RARB: variants seen among roughly 807,000 people sequenced by gnomAD.
RARB encodes HBV-activated protein.
In RARB, 17 loss-of-function variants were observed where a neutral mutation model predicts 51.9. The ratio of observed to expected loss-of-function variants is 0.33; its 90% CI spans 0.22 to 0.49. The LOEUF (loss-of-function observed/expected upper bound fraction) is 0.49. RARB is among the 20% of genes least tolerant of loss of function. The pLI is 0.99. For synonymous variants in RARB, 215 were observed against 195.4 expected (o/e 1.10, Z -0.84); for missense variants, 369 against 550.8 (o/e 0.67, Z 3.30).
chr3:25,330,376 A>G (rs1341575531), intron 5 of RARB, among the ~76,000 whole-genome samples: 1 of 152,222 alleles, frequency 6.6e-6, no homozygotes, highest in Non-Finnish European at 1.5e-5. Context: ...TCTTAAAGAA[A>G]AGAATTTTCA....
intron 3 of RARB, among the ~76,000 whole-genome samples, chr3:25,525,844 A>C (rs1366557785): frequency 6.6e-6 from 1 of 152,122 alleles, no homozygotes; most frequent in Non-Finnish European, 1.5e-5. Flanking sequence ...TTGGGCAGGG[A>C]CCTAAAGGAA....
At chr3:25,080,483 A>G (rs1438232009) in intron 3 of RARB, among the ~76,000 whole-genome samples, 1 of 152,204 alleles carries the variant, frequency 6.6e-6, no homozygotes, top group Non-Finnish European at 1.5e-5. Flanking sequence ...CCTTTTGAGG[A>G]ACTGCCAAAC....
chr3:25,464,556 A>G (rs1482193654), intron 2 of RARB, among the ~76,000 whole-genome samples: 2 of 152,196 alleles, frequency 1.3e-5, no homozygotes, highest in Non-Finnish European at 2.9e-5. Context: ...CTTGGTCTAC[A>G]TTTAAGCTTG....
intron 3 of RARB, among the ~76,000 whole-genome samples, chr3:25,505,422 C>T (rs1038505101): frequency 6.6e-6 from 1 of 152,060 alleles, no homozygotes; most frequent in Admixed American, 6.6e-5. Context: ...AGATGTATCC[C>T]CTAGAAAATC....
In RARB at chr3:24,908,650, G is replaced by T. The variant is rs142854475; in HGVS notation, c.-380+49898G>T. ...TAGCTCTAAAATTTGTAATTCTTGA[G>T]GTAACCACAACTGTTTTTTTTTTTT... On this transcript the variant is annotated intron_variant, in intron 2 of 11. Transcript: ENST00000383772. 3.0e-3 allele frequency among the ~76,000 whole-genome samples: 412 copies of T among 137,722 alleles called. 2 individuals are homozygous for T. Among genetic ancestry groups the T allele is most frequent in the African/African-American group, 0.01 (396 of 38,316 alleles). The allele number at this position is 137,722 out of a possible 152,430, so 90.4% of individuals were successfully genotyped here. A position where few individuals can be genotyped will look rare whatever the true frequency, so the allele number is the denominator to read the frequency against.
At chr3:25,467,148 T>G (rs1274387795) in intron 2 of RARB, among the ~76,000 whole-genome samples, 1 of 152,196 alleles carries the variant, frequency 6.6e-6, no homozygotes, top group Non-Finnish European at 1.5e-5. Flanking sequence ...ATCAGAGAAA[T>G]TAGAAGTATC....
At chr3:25,271,833 T>A (rs2125411747) in intron 5 of RARB, among the ~76,000 whole-genome samples, 1 of 152,296 alleles carries the variant, frequency 6.6e-6, no homozygotes, top group African/African-American at 2.4e-5. Context: ...AAATGTTCAA[T>A]CTTGCTGAAT....
At chr3:24,925,430 C>A (rs1313535505) in intron 2 of RARB, among the ~76,000 whole-genome samples, 1 of 151,888 alleles carries the variant, frequency 6.6e-6, no homozygotes, top group Non-Finnish European at 1.5e-5. Context: ...GTTGCATGAG[C>A]TCAGGAATTT....
intron 5 of RARB, among the ~76,000 whole-genome samples, chr3:25,343,933 A>G (rs1350721400): frequency 2.0e-5 from 3 of 152,178 alleles, no homozygotes; most frequent in Admixed American, 2.0e-4. Context: ...TGAAGCAGAC[A>G]AAAAGACCCA....
chr3:25,317,923 G>A (rs1001694027), intron 5 of RARB, among the ~76,000 whole-genome samples: 15 of 99,690 alleles, frequency 1.5e-4, no homozygotes, highest in African/African-American at 3.5e-4. Context: ...TCACAAATGC[G>A]GAATTAGTGG....
intron 3 of RARB, among the ~76,000 whole-genome samples, chr3:25,115,491 GT>G (rs1326720572): frequency 6.6e-6 from 1 of 152,132 alleles, no homozygotes; most frequent in East Asian, 1.9e-4. Context: ...TGAAGAAGTA[GT>G]CAGCATTTCT....
At chr3:25,080,348 G>A (rs1184625805) in intron 3 of RARB, among the ~76,000 whole-genome samples, 1 of 152,118 alleles carries the variant, frequency 6.6e-6, no homozygotes, top group Non-Finnish European at 1.5e-5. Context: ...AAACACTTCA[G>A]ATATTTCCAC....
intron 2 of RARB, among the ~76,000 whole-genome samples, chr3:24,975,856 G>A (rs1696500009): frequency 6.6e-6 from 1 of 152,022 alleles, no homozygotes; most frequent in South Asian, 2.1e-4. Flanking sequence ...TGCCATGCTG[G>A]TTTGCTGCAC....
rs186326040 is a variant in RARB, at chr3:25,440,181, C to T, written c.157+11293C>T. Among the ~76,000 whole-genome samples the T allele has an allele frequency of 9.9e-5, 15 of 152,150 alleles. No individual in the cohort carries two copies. The East Asian group carries it at 2.3e-3, about 24-fold the overall frequency. Reference sequence around the variant, plus strand: ...AGAAACTTGTTTTAGGCTTGCATGGCGACTCATACCGGAAATTCTAGCACT... The same window carrying T: ...AGAAACTTGTTTTAGGCTTGCATGGTGACTCATACCGGAAATTCTAGCACT... On this transcript the variant is annotated intron_variant, in intron 1 of 7. Transcript: ENST00000330688.
chr3:24,866,758 C>T (rs1264927048), intron 2 of RARB, among the ~76,000 whole-genome samples: 2 of 152,134 alleles, frequency 1.3e-5, no homozygotes, highest in African/African-American at 4.8e-5. Flanking sequence ...GCTGATTTAT[C>T]ACATCAGGAG....
chr3:24,902,057 G>A (rs1457211379), intron 2 of RARB, among the ~76,000 whole-genome samples: 1 of 151,668 alleles, frequency 6.6e-6, no homozygotes, highest in Non-Finnish European at 1.5e-5. Flanking sequence ...GGAAAGAACA[G>A]CAAAGAAAGA....
chr3:24,979,080 C>T (rs1696582233), intron 2 of RARB, among the ~76,000 whole-genome samples: 1 of 152,156 alleles, frequency 6.6e-6, no homozygotes, highest in Admixed American at 6.6e-5. Flanking sequence ...GTTTCTTAAT[C>T]CTGAGTTCTA....
At chr3:25,081,761 T>G (rs1309638431) in intron 3 of RARB, among the ~76,000 whole-genome samples, 1 of 147,426 alleles carries the variant, frequency 6.8e-6, no homozygotes, top group African/African-American at 2.5e-5. Context: ...GCCTCCTGAG[T>G]AGCTGGGATT....
intron 4 of RARB, among the ~76,000 whole-genome samples, chr3:25,143,117 A>G (rs965909762): frequency 2.0e-5 from 3 of 152,210 alleles, no homozygotes; most frequent in South Asian, 4.1e-4. Context: ...TCACCTGACA[A>G]TGAATTATTT....
Sources: allele counts gnomAD v4.1 joint callset (sites outside exome capture counted in the v4.1 genomes callset), GRCh38; gene constraint gnomAD v4.1.1; transcripts MANE v1.5; gene names NCBI Gene and HGNC (gene_info 2026-07-23, HGNC 2026-07-21).